SALL3: variants seen among roughly 807,000 people sequenced by gnomAD.
The protein encoded by SALL3 is sal-like protein 3.
A neutral mutation model predicts 66.2 loss-of-function variants in SALL3; 25 were observed. The observed-to-expected ratio is 0.38, with a 90% CI of 0.28 to 0.53. The LOEUF (loss-of-function observed/expected upper bound fraction) is 0.53, where lower values mean the gene tolerates loss of function less well. Among genes scored for constraint, SALL3 ranks in the 20% least tolerant of loss-of-function variants. The pLI, the probability that SALL3 is intolerant of heterozygous loss-of-function variation, is 0.85. For synonymous variants in SALL3, 1,152 were observed against 899.1 expected (o/e 1.28, Z -5.03); for missense variants, 2,194 against 1,916.5 (o/e 1.14, Z -2.70).
Position 78,996,896 on chromosome 18 carries a change from C to T in SALL3, c.3477C>T (p.His1159=), listed in dbSNP as rs1256189842. Residue 1159 remains histidine, a synonymous_variant, in exon 3 of 3, where the codon CAC becomes CAT. Transcript: ENST00000537592. Reference sequence around the variant, plus strand: ...TGTCTCCGTGTCTCGCGCAGGTGCACATGGGGACACACATGTGGAATAACG... The same window carrying T: ...TGTCTCCGTGTCTCGCGCAGGTGCATATGGGGACACACATGTGGAATAACG... ...AFTTKGNLKV[H]MGTHMWNNAP... The T allele has an allele frequency of 1.9e-6, 3 of 1,607,338 alleles. No homozygotes were observed. The highest frequency in any genetic ancestry group is 2.2e-5 in the East Asian group (1 of 44,724).
Position 78,992,636 on chromosome 18 carries a change from G to A in SALL3, c.645G>A (p.Gln215=), listed in dbSNP as rs988837596. 4 of 1,550,636 alleles carry A rather than the reference G, an allele frequency of 2.6e-6. No individual in the cohort carries two copies. In the African/African-American group the frequency reaches 4.3e-5, roughly 17 times the overall value. The change falls in exon 2 of 3, where the codon CAG becomes CAA. Residue 215 remains glutamine, a synonymous_variant. Transcript: ENST00000537592. Reference sequence around the variant, plus strand: ...AACAGCTCATGGCCCTGCAGCAGCAGCAGATCCACCAGCTGCAGCTCATCG... The same window carrying A: ...AACAGCTCATGGCCCTGCAGCAGCAACAGATCCACCAGCTGCAGCTCATCG... ...ILEQLMALQQ[Q]QIHQLQLIEQ...
Position 78,998,673 on chromosome 18 carries a change from T to A in SALL3, c.*1351T>A, listed in dbSNP as rs1914780484. ...GATTGTGGCTGCCTGGTGGCACTGG[T>A]CACATGTACAGTAAACCCAAGAGAA... On this transcript the variant is annotated 3_prime_UTR_variant, in exon 3 of 3. Coordinates refer to ENST00000537592, the MANE Select transcript of SALL3 (RefSeq NM_171999.4). 6.6e-6 allele frequency: 1 copy of A among 152,224 alleles called. No individual in the cohort carries two copies. The highest frequency in any genetic ancestry group is 1.5e-5 in the Non-Finnish European group (1 of 68,044). The allele number at this position is 152,224 out of a possible 1,614,324, so 9.4% of individuals were successfully genotyped here.
rs1458999179 is a variant in SALL3 at position 78,992,792 on chromosome 18, G to T, written c.801G>T (p.Ser267=). 2.0e-6 allele frequency: 2 copies of T among 985,836 alleles called. No homozygotes were observed. Among genetic ancestry groups the T allele is most frequent in the Non-Finnish European group, 2.4e-6 (2 of 832,076 alleles). The allele number at this position is 985,836 out of a possible 1,614,324, so 61.1% of individuals were successfully genotyped here. A position where few individuals can be genotyped will look rare whatever the true frequency, so the allele number is the denominator to read the frequency against. ...QLPGLAALPL[S]AGAPAAAIAG... ...CCGGGCTGGCCGCGCTCCCGCTGTC[G>T]GCCGGGGCCCCTGCCGCCGCCATCG... is the stretch of plus-strand genomic sequence containing the variant. Residue 267 remains serine, a synonymous_variant, in exon 2 of 3, where the codon TCG becomes TCT. Coordinates refer to ENST00000537592, the MANE Select transcript of SALL3 (RefSeq NM_171999.4).
At chr18:78,980,976 C>T (rs1442931688) in intron 1 of SALL3, among the ~76,000 whole-genome samples, 1 of 152,216 alleles carries the variant, frequency 6.6e-6, no homozygotes. Flanking sequence ...GCGGCGGCGG[C>T]CTGGGCCTGG....
chr18:78,993,404 G>A lies in SALL3; in HGVS notation c.1413G>A (p.Lys471=). The A allele has an allele frequency of 5.0e-6, 8 of 1,612,874 alleles. No individual in the cohort carries two copies. The highest frequency in any genetic ancestry group is 6.8e-6 in the Non-Finnish European group (8 of 1,179,924). ...TGAAGGTGCACTTCCAGAGGCACAAGGAGAAGTACCCCCACATCCAGATGA... is the reference window on the plus strand; with the variant it reads ...TGAAGGTGCACTTCCAGAGGCACAAAGAGAAGTACCCCCACATCCAGATGA... The part of the protein sequence containing the change: ...GNLKVHFQRH[K]EKYPHIQMNP... The change falls in exon 2 of 3, where the codon AAG becomes AAA. Residue 471 remains lysine (K), a synonymous_variant. Transcript: ENST00000537592.
chr18:78,987,406 ACTAT>A (rs1914280195), intron 1 of SALL3, among the ~76,000 whole-genome samples: 1 of 152,048 alleles, frequency 6.6e-6, no homozygotes, highest in African/African-American at 2.4e-5. Context: ...ATTTTTTTTA[ACTAT>A]CGTCTTTGAA....
chr18:78,991,324 A>G lies in SALL3; in HGVS notation c.83-750A>G, dbSNP rs1287394087. 3.0e-5 allele frequency among the ~76,000 whole-genome samples: 4 copies of G among 133,510 alleles called. No individual in the cohort carries two copies. The South Asian group carries it at 7.1e-4, about 24-fold the overall frequency. 87.6% of individuals were successfully genotyped at this position (133,510 alleles called of 152,430 possible). A position where few individuals can be genotyped will look rare whatever the true frequency, so the allele number is the denominator to read the frequency against. ...ATGATGCATTTTAGGCCTAGACTGT[A>G]TTGATTTGGCAAAGTCTAAAATGTA... On this transcript the variant is annotated intron_variant, in intron 1 of 2. Transcript: ENST00000537592.
At chr18:78,995,572 A>AG (rs1172683284) in intron 2 of SALL3, 110 bp downstream of exon 2, 4 of 1,437,946 alleles carry the variant, frequency 2.8e-6, no homozygotes, top group African/African-American at 1.4e-5. Context: ...TATCCTGGCC[A>AG]GGGGGGTGAG....
rs1306452107 is a variant in SALL3 at position 78,993,939 on chromosome 18, G to A, written c.1948G>A (p.Gly650Arg). The change falls in exon 2 of 3, where the codon GGG becomes AGG. Residue 650 changes from glycine to arginine, a missense_variant. Transcript: ENST00000537592. Reference protein sequence around the residue: ...SEQFKAQFPFGGLLDSMQTSE... With the variant: ...SEQFKAQFPFRGLLDSMQTSE... Reference sequence around the variant, plus strand: ...GCAGTTCAAGGCCCAGTTTCCGTTCGGGGGGCTGCTAGACTCGATGCAAAC... The same window carrying A: ...GCAGTTCAAGGCCCAGTTTCCGTTCAGGGGGCTGCTAGACTCGATGCAAAC... 5 of 1,608,906 alleles carry A rather than the reference G, an allele frequency of 3.1e-6. No individual in the cohort carries two copies. Among genetic ancestry groups the A allele is most frequent in the East Asian group, 2.2e-5 (1 of 44,488 alleles).
Position 78,993,979 on chromosome 18 carries a change from A to G in SALL3, c.1988A>G (p.Lys663Arg), listed in dbSNP as rs899084388. The G allele has an allele frequency of 1.2e-6, 2 of 1,611,948 alleles. No individual in the cohort carries two copies. The highest frequency in any genetic ancestry group is 1.3e-5 in the African/African-American group (1 of 74,920). ...LDSMQTSETS[K>R]LQQLVENIDK... Reference sequence around the variant, plus strand: ...TCGATGCAAACGTCGGAAACCTCGAAGCTGCAGCAGCTGGTGGAGAACATC... The same window carrying G: ...TCGATGCAAACGTCGGAAACCTCGAGGCTGCAGCAGCTGGTGGAGAACATC... Residue 663 changes from lysine (K) to arginine (R), a missense_variant, in exon 2 of 3, where the codon AAG (lysine) becomes AGG (arginine). By Grantham distance (26) the Lys-to-Arg change is conservative (BLOSUM62 2). Coordinates refer to ENST00000537592, the MANE Select transcript of SALL3 (RefSeq NM_171999.4).
At chr18:78,985,068 A>C (rs1914199957) in intron 1 of SALL3, 1 of 152,260 alleles carries the variant, frequency 6.6e-6, no homozygotes, top group African/African-American at 2.4e-5. Flanking sequence ...TCTCTCCCTG[A>C]AGGTGGGTAG....
At position 78,993,374 on chromosome 18, in the gene SALL3, C is replaced by T; in HGVS notation, c.1383C>T (p.Gly461=). The T allele has an allele frequency of 6.2e-7, 1 of 1,612,574 alleles. No individual in the cohort carries two copies. The highest frequency in any genetic ancestry group is 8.5e-7 in the Non-Finnish European group (1 of 1,179,822). ...GCGGGAACCGCTTCTCCACCAAAGG[C>T]AACCTGAAGGTGCACTTCCAGAGGC... ...NICGNRFSTK[G]NLKVHFQRHK... Residue 461 remains glycine (G), a synonymous_variant, in exon 2 of 3, where the codon GGC becomes GGT. Coordinates refer to ENST00000537592, the MANE Select transcript of SALL3 (RefSeq NM_171999.4).
chr18:78,988,559 G>T (rs1199710654), intron 1 of SALL3, among the ~76,000 whole-genome samples: 2 of 152,170 alleles, frequency 1.3e-5, no homozygotes, highest in African/African-American at 2.4e-5. Context: ...GCTTACTATT[G>T]TTTAATAACA....
In SALL3 at chr18:78,994,007, C is replaced by G. The variant is rs768183150; in HGVS notation, c.2016C>G (p.Asp672Glu). ...TGCAGCAGCTGGTGGAGAACATCGA[C>G]AAGAAGATGACGGACCCGAACCAGT... ...SKLQQLVENI[D>E]KKMTDPNQCV... The change falls in exon 2 of 3, where the codon GAC becomes GAG. Residue 672 changes from aspartate (D) to glutamate (E), a missense_variant. By Grantham distance (45) the Asp-to-Glu change is conservative. Transcript: ENST00000537592. 5.0e-6 allele frequency: 8 copies of G among 1,612,474 alleles called. No homozygotes were observed. The highest frequency in any genetic ancestry group is 1.1e-5 in the South Asian group (1 of 90,978).
intron 2 of SALL3, among the ~76,000 whole-genome samples, chr18:78,996,451 T>C (rs1205033586): frequency 6.6e-6 from 1 of 152,192 alleles, no homozygotes; most frequent in Non-Finnish European, 1.5e-5. Flanking sequence ...AATTAATGTT[T>C]CTTTGTTTGA....
At chr18:78,987,108 A>G (rs1186813441) in intron 1 of SALL3, among the ~76,000 whole-genome samples, 1 of 150,490 alleles carries the variant, frequency 6.6e-6, no homozygotes, top group Non-Finnish European at 1.5e-5. Flanking sequence ...GTAAAACCAA[A>G]TCAGAGGATT....
rs372294777 is a variant in SALL3, at chr18:78,995,290, C to T, written c.3299C>T (p.Pro1100Leu). Residue 1100 changes from proline to leucine, a missense_variant, in exon 2 of 3, where the codon CCC becomes CTC. Transcript: ENST00000537592. ...ACAGTGATGGGCCCGGGCCTGGCGC[C>T]CATGCTGGCCCCCCCACCGCGCCGG... is the stretch of plus-strand genomic sequence containing the variant. ...PQTVMGPGLA[P>L]MLAPPPRRTP... The T allele has an allele frequency of 1.3e-6, 2 of 1,578,964 alleles. No individual in the cohort carries two copies. Among genetic ancestry groups the T allele is most frequent in the African/African-American group, 1.3e-5 (1 of 74,556 alleles).
intron 1 of SALL3, 27 bp downstream of exon 1, chr18:78,980,383 G>T (rs1027868835): frequency 1.5e-6 from 2 of 1,332,856 alleles, no homozygotes; most frequent in East Asian, 3.3e-5. Context: ...CGGGGTGGCC[G>T]GGGGGTCTGG....
chr18:78,981,518 A>G (rs1025192021), intron 1 of SALL3, among the ~76,000 whole-genome samples: 1 of 152,252 alleles, frequency 6.6e-6, no homozygotes, highest in African/African-American at 2.4e-5. Context: ...ACAGTGGAGT[A>G]AAGTTTGACA....
Sources: gnomAD v4.1 joint callset for allele counts (sites outside exome capture counted in the v4.1 genomes callset) on GRCh38, gnomAD v4.1.1 for gene constraint, MANE v1.5 for transcripts, NCBI Gene and HGNC (gene_info 2026-07-23, HGNC 2026-07-21) for gene names.